Variants in ACOT11 observed in about 807,000 individuals in gnomAD.
ACOT11 encodes acyl-CoA thioesterase 11.
ACOT11 carries 69 observed loss-of-function variants against 77.5 expected under a neutral mutation model. That is an observed-to-expected ratio of 0.89 (90% CI 0.73 to 1.09). The LOEUF (loss-of-function observed/expected upper bound fraction) is 1.09, where lower values mean the gene tolerates loss of function less well. Ranked by LOEUF, ACOT11 falls within the 50% of genes least tolerant of loss-of-function variation. ACOT11 has a pLI of 0.00. For synonymous variants in ACOT11, 279 were observed against 313.0 expected (o/e 0.89, Z 1.15); for missense variants, 766 against 813.7 (o/e 0.94, Z 0.71).
chr1:54,610,440 G>A (rs4926650), downstream of ACOT11: 77,639 of 1,613,252 alleles, frequency 0.048, 5,051 homozygotes, highest in East Asian at 0.24. Flanking sequence ...CTGTTTTACC[G>A]CTGCCCTGGA....
chr1:54,583,057 G>A (rs944904565), intron 1 of ACOT11, among the ~76,000 whole-genome samples: 1 of 152,100 alleles, frequency 6.6e-6, no homozygotes, highest in Non-Finnish European at 1.5e-5. Flanking sequence ...ACAACCAAGC[G>A]GGAAGTGCCT....
At position 54,634,678 on chromosome 1, in the gene ACOT11, G is replaced by A. The variant is rs12239752; in HGVS notation, c.1783-10G>A. ...AATTTGGGGTAGAGGTTATGCTTGC[G>A]TTTCTCCAGGCCAAAATCAACAGCC... On this transcript the variant is annotated splice_polypyrimidine_tract_variant and intron_variant, in intron 16 of 16. Transcript: ENST00000371316. 2,662 of 701,552 alleles carry A rather than the reference G, an allele frequency of 3.8e-3. 50 individuals are homozygous for A. The African/African-American group carries it at 0.04, about 11-fold the overall frequency. 43.5% of individuals were successfully genotyped at this position (701,552 alleles called of 1,614,324 possible).
intron 1 of ACOT11, among the ~76,000 whole-genome samples, chr1:54,551,739 TTTTG>T (rs925887507): frequency 2.1e-5 from 3 of 145,292 alleles, no homozygotes; most frequent in Non-Finnish European, 3.0e-5. Context: ...TTTGTTTTGT[TTTTG>T]TTTTTGTTTT....
At chr1:54,567,795 CCT>C (rs1227614780) in intron 1 of ACOT11, among the ~76,000 whole-genome samples, 1 of 152,176 alleles carries the variant, frequency 6.6e-6, no homozygotes, top group Non-Finnish European at 1.5e-5. Context: ...CCTGGCTCCA[CCT>C]CTCTGCCCAG....
At chr1:54,624,489 T>C (rs1223219682) in intron 15 of ACOT11, among the ~76,000 whole-genome samples, 1 of 152,078 alleles carries the variant, frequency 6.6e-6, no homozygotes, top group Admixed American at 6.5e-5. Flanking sequence ...GGCTCAGGAC[T>C]GAGATCAGGG....
chr1:54,621,160 C>CAA (rs55905389), intron 15 of ACOT11, among the ~76,000 whole-genome samples: 8 of 107,962 alleles, frequency 7.4e-5, no homozygotes, highest in Non-Finnish European at 9.6e-5. Context: ...GACACTGTCT[C>CAA]AAAAAAAAAA....
intron 15 of ACOT11, among the ~76,000 whole-genome samples, chr1:54,615,391 G>C (rs892713056): frequency 1.3e-5 from 2 of 152,166 alleles, no homozygotes; most frequent in Non-Finnish European, 2.9e-5. Flanking sequence ...ACAATGGGGA[G>C]CCACGGAGGG....
chr1:54,617,685 A>G (rs1366400599), intron 15 of ACOT11, among the ~76,000 whole-genome samples: 1 of 136,200 alleles, frequency 7.3e-6, no homozygotes, highest in Non-Finnish European at 1.5e-5. Flanking sequence ...TGTTCTGATC[A>G]CTAGGTCTGC....
At chr1:54,611,679 C>G (rs777943902), downstream of ACOT11, 39 of 1,613,952 alleles carry the variant, frequency 2.4e-5, no homozygotes, top group South Asian at 5.5e-5. Flanking sequence ...CAGTGTTATC[C>G]CGGACGTAGA....
At chr1:54,578,680 C>T (rs1654196991) in intron 1 of ACOT11, among the ~76,000 whole-genome samples, 1 of 152,052 alleles carries the variant, frequency 6.6e-6, no homozygotes, top group Non-Finnish European at 1.5e-5. Context: ...ATCCAGGCCT[C>T]CTTTCCTTGC....
chr1:54,637,871 T>C (rs953414036), exon 17 of ACOT11: 3 of 152,024 alleles, frequency 2.0e-5, no homozygotes, highest in Admixed American at 2.0e-4. Context: ...AGAAAACTTT[T>C]CGAATTTTCT....
At chr1:54,614,614 T>G (rs1016345487), downstream of ACOT11, 9 of 1,396,122 alleles carry the variant, frequency 6.4e-6, no homozygotes, top group Non-Finnish European at 9.8e-7. Context: ...GGAGACAAAC[T>G]CAGAGGTCCC....
chr1:54,562,804 C>T (rs1398472363), intron 1 of ACOT11, among the ~76,000 whole-genome samples: 1 of 91,658 alleles, frequency 1.1e-5, no homozygotes, highest in African/African-American at 4.6e-5. Flanking sequence ...ACATCTCAGA[C>T]GATGGGCGGC....
chr1:54,557,399 A>G (rs941551785), intron 1 of ACOT11, among the ~76,000 whole-genome samples: 1 of 151,504 alleles, frequency 6.6e-6, no homozygotes, highest in Non-Finnish European at 1.5e-5. Flanking sequence ...CTCAAAAAAA[A>G]AAAAAAAAAA....
At chr1:54,599,227 A>C (rs1643934591) in intron 7 of ACOT11, 69 bp from the exon 8 acceptor site, 1 of 482,684 alleles carries the variant, frequency 2.1e-6, no homozygotes, top group Non-Finnish European at 2.9e-6. Context: ...TATATATAAA[A>C]ATCTGGCCCA....
chr1:54,593,851 T>C (rs543708847), intron 4 of ACOT11, 90 bp from the exon 5 acceptor site: 23 of 1,102,776 alleles, frequency 2.1e-5, no homozygotes, highest in African/African-American at 2.0e-4. Context: ...TGGCCTGGGC[T>C]GGGACTTGCT....
chr1:54,614,595 A>T, downstream of ACOT11: 1 of 1,159,416 alleles, frequency 8.6e-7, no homozygotes, highest in Non-Finnish European at 1.2e-6. Flanking sequence ...GGCTATATAT[A>T]GTATGATTGG....
At chr1:54,592,884 C>G (rs549474864) in intron 4 of ACOT11, among the ~76,000 whole-genome samples, 2 of 152,278 alleles carry the variant, frequency 1.3e-5, no homozygotes, top group East Asian at 3.9e-4. Flanking sequence ...CTTCCAGGCC[C>G]CTGAGTCTCA....
intron 12 of ACOT11, 50 bp from the exon 13 acceptor site, chr1:54,605,026 T>A (rs781081447): frequency 3.2e-6 from 5 of 1,565,136 alleles, no homozygotes; most frequent in Non-Finnish European, 4.3e-6. Flanking sequence ...AGCATCCCCA[T>A]CAGTCCACTC....
Sources: gnomAD v4.1 joint callset for allele counts (sites outside exome capture counted in the v4.1 genomes callset) on GRCh38, gnomAD v4.1.1 for gene constraint, MANE v1.5 for transcripts, NCBI Gene and HGNC (gene_info 2026-07-23, HGNC 2026-07-21) for gene names.